The following SDCBP variants were observed in gnomAD, a reference collection of about 807,000 sequenced individuals.
SDCBP encodes the protein syntenin-1.
SDCBP carries 22 observed loss-of-function variants against 30.5 expected under a neutral mutation model. The ratio of observed to expected loss-of-function variants is 0.72; its 90% CI spans 0.52 to 1.03. The LOEUF is 1.03. Ranked by LOEUF, SDCBP falls within the 50% of genes least tolerant of loss-of-function variation. The pLI, the probability that SDCBP is intolerant of heterozygous loss-of-function variation, is 0.00. For missense variants in SDCBP, 304 were observed against 369.9 expected (o/e 0.82, Z 1.46); for synonymous variants, 103 against 118.7 (o/e 0.87, Z 0.86).
At position 58,578,085 on chromosome 8, in the gene SDCBP, T is replaced by A; in HGVS notation, c.455T>A (p.Leu152Gln). The part of the protein sequence containing the change: ...QANSPASLVG[L>Q]RFGDQVLQIN... ...AATTCTCCAGCCTCATTGGTTGGTC[T>A]GAGATTTGGGGACCAAGTACTTCAG... is the stretch of plus-strand genomic sequence containing the variant. The change falls in exon 6 of 9, where the codon CTG becomes CAG. Residue 152 changes from leucine (L) to glutamine (Q), a missense_variant. Physicochemically the swap from Leu to Gln is moderately radical, Grantham distance 113 (BLOSUM62 -2). Coordinates refer to ENST00000260130, the MANE Select transcript of SDCBP (RefSeq NM_005625.4). The A allele has an allele frequency of 6.2e-7, 1 of 1,612,860 alleles. No homozygotes were observed. Among genetic ancestry groups the A allele is most frequent in the Non-Finnish European group, 8.5e-7 (1 of 1,178,842 alleles).
chr8:58,565,088 T>C lies in SDCBP; in HGVS notation c.51+4T>C. ...GAAGGTAGACAAAGTAATTCAGGTA[T>C]GATAGTTTAAATACTTTTGTCAAAA... is the stretch of plus-strand genomic sequence containing the variant. On this transcript the variant is annotated splice_donor_region_variant and intron_variant, in intron 2 of 8. Transcript: ENST00000260130. 6.5e-7 allele frequency: 1 copy of C among 1,528,674 alleles called. No individual in the cohort carries two copies. The highest frequency in any genetic ancestry group is 9.0e-7 in the Non-Finnish European group (1 of 1,113,628). 94.7% of individuals were successfully genotyped at this position (1,528,674 alleles called of 1,614,324 possible).
chr8:58,576,416 CTTT>C (rs113665258), intron 5 of SDCBP: 152 of 141,198 alleles, frequency 1.1e-3, no homozygotes, highest in South Asian at 4.1e-3. Flanking sequence ...GTCAGTGTGC[CTTT>C]TTTTTTTTTT....
chr8:58,561,999 A>C (rs1264134745), intron 1 of SDCBP, among the ~76,000 whole-genome samples: 1 of 152,054 alleles, frequency 6.6e-6, no homozygotes, highest in Non-Finnish European at 1.5e-5. Flanking sequence ...TGTTTTATGT[A>C]AACTCCATGG....
chr8:58,557,038 TAA>T (rs1309916452), intron 1 of SDCBP, among the ~76,000 whole-genome samples: 1 of 132,820 alleles, frequency 7.5e-6, no homozygotes, highest in African/African-American at 2.9e-5. Flanking sequence ...TATAAGTATA[TAA>T]GATATACTTA....
At chr8:58,564,700 A>G (rs1007127634) in intron 1 of SDCBP, among the ~76,000 whole-genome samples, 3 of 152,218 alleles carry the variant, frequency 2.0e-5, no homozygotes, top group Admixed American at 2.0e-4. Flanking sequence ...GTACTTGTGT[A>G]AGTTAGGAGT....
At chr8:58,574,917 C>T (rs1805237602) in intron 4 of SDCBP, among the ~76,000 whole-genome samples, 1 of 152,102 alleles carries the variant, frequency 6.6e-6, no homozygotes, top group South Asian at 2.1e-4. Context: ...GTATACCGTA[C>T]AGTATTATTA....
chr8:58,561,636 A>G (rs1174170255), intron 1 of SDCBP: 3 of 489,300 alleles, frequency 6.1e-6, no homozygotes, highest in Non-Finnish European at 1.1e-5. Context: ...TAAAAGAGAA[A>G]TAAGATTCTC....
At chr8:58,564,381 C>T (rs776489222) in intron 1 of SDCBP, among the ~76,000 whole-genome samples, 15 of 152,116 alleles carry the variant, frequency 9.9e-5, no homozygotes, top group Admixed American at 2.0e-4. Flanking sequence ...TAAATTATTA[C>T]AAAAAGCAAT....
At position 58,581,872 on chromosome 8, in the gene SDCBP, T is replaced by TATAA. The variant is rs1468543638; in HGVS notation, c.*132_*133insATAA. On this transcript the variant is annotated 3_prime_UTR_variant, in exon 9 of 9. Coordinates refer to ENST00000260130, the MANE Select transcript of SDCBP (RefSeq NM_005625.4). Reference sequence around the variant, plus strand: ...ATGAGGACCTTTCTATCTTACATTATGGCTGGGAATCTTACTCTTTCATCT... The same window carrying TATAA: ...ATGAGGACCTTTCTATCTTACATTATATAAGGCTGGGAATCTTACTCTTTCATCT... 1.4e-6 allele frequency: 1 copy of TATAA among 698,710 alleles called. No individual in the cohort carries two copies. Among genetic ancestry groups the TATAA allele is most frequent in the East Asian group, 2.6e-5 (1 of 38,144 alleles). The allele number at this position is 698,710 out of a possible 1,614,324, so 43.3% of individuals were successfully genotyped here. A position where few individuals can be genotyped will look rare whatever the true frequency, so the allele number is the denominator to read the frequency against.
At chr8:58,565,157 AG>A in intron 2 of SDCBP, 73 bp downstream of exon 2, 1 of 702,834 alleles carries the variant, frequency 1.4e-6, no homozygotes, top group African/African-American at 1.9e-5. Flanking sequence ...AAATAAAGCA[AG>A]ATAGCTAAAT....
At chr8:58,563,520 C>T (rs1199972584) in intron 1 of SDCBP, among the ~76,000 whole-genome samples, 1 of 151,858 alleles carries the variant, frequency 6.6e-6, no homozygotes, top group Non-Finnish European at 1.5e-5. Context: ...TACTAAAAAC[C>T]ATTGCATTAT....
chr8:58,558,366 C>T (rs1195173762), intron 1 of SDCBP, among the ~76,000 whole-genome samples: 1 of 152,188 alleles, frequency 6.6e-6, no homozygotes, highest in African/African-American at 2.4e-5. Flanking sequence ...ACTGCAGCCT[C>T]AACCTCCTTT....
chr8:58,580,255 G>T (rs1244641594), intron 7 of SDCBP, among the ~76,000 whole-genome samples: 1 of 152,158 alleles, frequency 6.6e-6, no homozygotes, highest in Non-Finnish European at 1.5e-5. Context: ...AATAAGAGGA[G>T]ATGGTAATAT....
chr8:58,557,347 AAT>A (rs1459067736), intron 1 of SDCBP, among the ~76,000 whole-genome samples: 1 of 137,138 alleles, frequency 7.3e-6, no homozygotes, highest in African/African-American at 2.7e-5. Context: ...AAATATATAA[AAT>A]ATATAGATAT....
Position 58,567,718 on chromosome 8 carries a change from C to T in SDCBP, c.51+2634C>T, listed in dbSNP as rs117173838. On this transcript the variant is annotated intron_variant, in intron 2 of 8. Coordinates refer to ENST00000260130, the MANE Select transcript of SDCBP (RefSeq NM_005625.4). ...CAAATGTAGATGGCATAGCCTACTACACATCTAGGCAGTATGGTATAGTCT... is the reference window on the plus strand; with the variant it reads ...CAAATGTAGATGGCATAGCCTACTATACATCTAGGCAGTATGGTATAGTCT... 4.2e-3 allele frequency among the ~76,000 whole-genome samples: 634 copies of T among 152,274 alleles called. 3 individuals are homozygous for T. The highest frequency in any genetic ancestry group is 6.1e-3 in the Non-Finnish European group (414 of 68,032).
chr8:58,557,921 AC>A (rs1804236685), intron 1 of SDCBP, among the ~76,000 whole-genome samples: 1 of 152,214 alleles, frequency 6.6e-6, no homozygotes, highest in Non-Finnish European at 1.5e-5. Flanking sequence ...AGATTCTTCC[AC>A]TGATGTAATA....
chr8:58,574,544 G>C (rs544229336), intron 4 of SDCBP, among the ~76,000 whole-genome samples: 8 of 152,046 alleles, frequency 5.3e-5, no homozygotes, highest in Non-Finnish European at 4.4e-5. Context: ...CATCTCCAGG[G>C]TTCTTCAGTG....
intron 6 of SDCBP, 137 bp from the exon 7 acceptor site, chr8:58,579,486 T>C: frequency 3.6e-6 from 2 of 559,896 alleles, no homozygotes; most frequent in Non-Finnish European, 5.5e-6. Flanking sequence ...ATGTATAAAA[T>C]CAGAGCCATA....
At chr8:58,566,672 G>A (rs1804721080) in intron 2 of SDCBP, among the ~76,000 whole-genome samples, 1 of 151,868 alleles carries the variant, frequency 6.6e-6, no homozygotes, top group Admixed American at 6.6e-5. Context: ...TTTTTGTTTT[G>A]TTTTGTTTTG....
Sources: allele counts gnomAD v4.1 joint callset (sites outside exome capture counted in the v4.1 genomes callset), GRCh38; gene constraint gnomAD v4.1.1; transcripts MANE v1.5; gene names NCBI Gene and HGNC (gene_info 2026-07-23, HGNC 2026-07-21).